BAIAP2L1: variants seen among roughly 807,000 people sequenced by gnomAD.
BAIAP2L1 encodes BAR/IMD domain-containing adapter protein 2-like 1.
Under a neutral mutation model 66.3 loss-of-function variants are expected in BAIAP2L1, and 35 were observed. That is an observed-to-expected ratio of 0.53 (90% CI 0.40 to 0.70). The LOEUF (loss-of-function observed/expected upper bound fraction) is 0.70, where lower values mean the gene tolerates loss of function less well. Among genes scored for constraint, BAIAP2L1 ranks in the 30% least tolerant of loss-of-function variants. The pLI is 0.00. For missense variants in BAIAP2L1, 622 were observed against 656.9 expected (o/e 0.95, Z 0.58); for synonymous variants, 269 against 248.7 (o/e 1.08, Z -0.77).
At chr7:98,350,185 CCTTAG>C in intron 3 of BAIAP2L1, among the ~76,000 whole-genome samples, 1 of 152,144 alleles carries the variant, frequency 6.6e-6, no homozygotes, top group East Asian at 1.9e-4. Context: ...AAAGCGTCTG[CCTTAG>C]AGTGCTCACA....
intron 1 of BAIAP2L1, among the ~76,000 whole-genome samples, chr7:98,370,847 T>G (rs1173160652): frequency 6.6e-6 from 1 of 152,174 alleles, no homozygotes; most frequent in African/African-American, 2.4e-5. Flanking sequence ...ATATTGGCTC[T>G]TCACCTAGTT....
At position 98,294,475 on chromosome 7, in the gene BAIAP2L1, G is replaced by A. The variant is rs1338109559; in HGVS notation, c.1423-364C>T. ...GGTGTCAGAGCGTGAACAGAGCATG[G>A]CACTGCCTGCGCGGGTCACCCGTGA... is the stretch of plus-strand genomic sequence containing the variant. On this transcript the variant is annotated intron_variant, in intron 12 of 13. Transcript: ENST00000005260. 1.3e-3 allele frequency among the ~76,000 whole-genome samples: 201 copies of A among 152,224 alleles called. 5 individuals are homozygous for A. Among genetic ancestry groups the A allele is most frequent in the Admixed American group, 0.013 (201 of 15,284 alleles).
At chr7:98,305,961 T>A (rs1384603644) in intron 11 of BAIAP2L1, among the ~76,000 whole-genome samples, 1 of 151,876 alleles carries the variant, frequency 6.6e-6, no homozygotes, top group African/African-American at 2.4e-5. Flanking sequence ...GGACCCAGGG[T>A]GACTCCCAAG....
intron 1 of BAIAP2L1, among the ~76,000 whole-genome samples, chr7:98,379,243 C>G (rs1802703871): frequency 6.6e-6 from 1 of 152,144 alleles, no homozygotes; most frequent in Admixed American, 6.6e-5. Flanking sequence ...CCTGGATCAT[C>G]TGATTAATGC....
chr7:98,342,945 G>T (rs1801777856), intron 3 of BAIAP2L1, among the ~76,000 whole-genome samples: 1 of 151,712 alleles, frequency 6.6e-6, no homozygotes. Flanking sequence ...GCCTTGAACT[G>T]AACTGTGTAC....
At chr7:98,309,075 ATTC>A (rs1470520180) in intron 9 of BAIAP2L1, 1 of 152,078 alleles carries the variant, frequency 6.6e-6, no homozygotes, top group African/African-American at 2.4e-5. Context: ...ATTCTTGCAG[ATTC>A]TTCATGATTA....
intron 1 of BAIAP2L1, among the ~76,000 whole-genome samples, chr7:98,367,534 CT>C (rs1380227043): frequency 2.1e-3 from 235 of 114,512 alleles, no homozygotes; most frequent in African/African-American, 3.2e-3. Context: ...CCACACCTGG[CT>C]TTTTTTTTTT....
At chr7:98,368,208 C>A (rs1802432082) in intron 1 of BAIAP2L1, among the ~76,000 whole-genome samples, 1 of 152,042 alleles carries the variant, frequency 6.6e-6, no homozygotes, top group African/African-American at 2.4e-5. Context: ...CACCTGAGGT[C>A]AGGAGTTCAA....
chr7:98,380,224 C>T (rs780406629), intron 1 of BAIAP2L1, among the ~76,000 whole-genome samples: 14 of 151,854 alleles, frequency 9.2e-5, no homozygotes, highest in Non-Finnish European at 1.6e-4. Context: ...ACTTTAGGTA[C>T]GCACCAACAC....
intron 12 of BAIAP2L1, among the ~76,000 whole-genome samples, chr7:98,301,650 C>A (rs2116825520): frequency 6.6e-6 from 1 of 151,964 alleles, no homozygotes; most frequent in South Asian, 2.1e-4. Context: ...AAAGGGGGAA[C>A]CTGAAGATGA....
intron 1 of BAIAP2L1, among the ~76,000 whole-genome samples, chr7:98,393,086 T>TATGTATATATATACAC (rs1803096381): frequency 3.6e-5 from 4 of 111,012 alleles, no homozygotes; most frequent in African/African-American, 1.7e-4. Context: ...CACACACATA[T>TATGTATATATATACAC]ATACATATAT....
At position 98,303,671 on chromosome 7, in the gene BAIAP2L1, G is replaced by T. The variant is rs142948191; in HGVS notation, c.1422+525C>A. ...GGATGAACTGGTTCCGGGAGCCCAGGACCTCCATGCTGGGCCCCCAGAGGC... is the reference window on the plus strand; with the variant it reads ...GGATGAACTGGTTCCGGGAGCCCAGTACCTCCATGCTGGGCCCCCAGAGGC... On this transcript the variant is annotated intron_variant, in intron 12 of 13. Coordinates refer to ENST00000005260, the MANE Select transcript of BAIAP2L1 (RefSeq NM_018842.5). 3.8e-3 allele frequency among the ~76,000 whole-genome samples: 572 copies of T among 152,252 alleles called. 9 individuals are homozygous for T. Among genetic ancestry groups the T allele is most frequent in the African/African-American group, 0.013 (538 of 41,562 alleles).
chr7:98,352,903 CAT>C (rs1376807001), intron 3 of BAIAP2L1, among the ~76,000 whole-genome samples: 3 of 151,990 alleles, frequency 2.0e-5, no homozygotes, highest in African/African-American at 4.8e-5. Context: ...GTCAGAGCAC[CAT>C]ATGTTTTAAT....
At chr7:98,341,188 G>T (rs1278730468) in intron 3 of BAIAP2L1, among the ~76,000 whole-genome samples, 1 of 151,966 alleles carries the variant, frequency 6.6e-6, no homozygotes, top group African/African-American at 2.4e-5. Context: ...AAAAAAAGCT[G>T]GAATAATGAT....
intron 1 of BAIAP2L1, among the ~76,000 whole-genome samples, chr7:98,388,722 C>T (rs986149063): frequency 3.9e-5 from 6 of 152,080 alleles, no homozygotes; most frequent in Non-Finnish European, 5.9e-5. Context: ...ATCTGTAATC[C>T]CAGCACTTTG....
At chr7:98,344,836 T>C (rs1383729466) in intron 3 of BAIAP2L1, among the ~76,000 whole-genome samples, 2 of 152,188 alleles carry the variant, frequency 1.3e-5, no homozygotes, top group East Asian at 3.8e-4. Context: ...CTTGGGAGGC[T>C]GAGGCAGGAG....
intron 1 of BAIAP2L1, among the ~76,000 whole-genome samples, chr7:98,387,405 G>A (rs900750880): frequency 3.3e-5 from 5 of 152,188 alleles, no homozygotes; most frequent in African/African-American, 1.2e-4. Flanking sequence ...GTACCTAACA[G>A]GTGCTCACAA....
At chr7:98,397,695 ACTT>A (rs763777114) in intron 1 of BAIAP2L1, among the ~76,000 whole-genome samples, 3 of 152,034 alleles carry the variant, frequency 2.0e-5, no homozygotes, top group South Asian at 2.1e-4. Flanking sequence ...TTTTTGAACT[ACTT>A]CTTCTACCAT....
At chr7:98,325,306 G>A (rs1020032721) in intron 3 of BAIAP2L1, among the ~76,000 whole-genome samples, 18 of 150,968 alleles carry the variant, frequency 1.2e-4, no homozygotes, top group African/African-American at 4.1e-4. Context: ...CTGCAGAGGT[G>A]GCAGTGAGCC....
Sources: gnomAD v4.1 joint callset for allele counts (sites outside exome capture counted in the v4.1 genomes callset) on GRCh38, gnomAD v4.1.1 for gene constraint, MANE v1.5 for transcripts, NCBI Gene and HGNC (gene_info 2026-07-23, HGNC 2026-07-21) for gene names.